Variants in TESK2 observed in about 807,000 individuals in gnomAD.
The protein encoded by TESK2 is testis associated actin remodelling kinase 2, also known as dual specificity testis-specific protein kinase 2.
TESK2 carries 39 observed loss-of-function variants against 57.1 expected under a neutral mutation model. The ratio of observed to expected loss-of-function variants is 0.68; its 90% CI spans 0.53 to 0.89. The LOEUF (loss-of-function observed/expected upper bound fraction) is 0.89. Among genes scored for constraint, TESK2 ranks in the 40% least tolerant of loss-of-function variants. The pLI is 0.00. For synonymous variants in TESK2, 249 were observed against 267.9 expected (o/e 0.93, Z 0.69); for missense variants, 646 against 732.1 (o/e 0.88, Z 1.36).
At chr1:45,456,099 G>A (rs530559441) in intron 2 of TESK2, among the ~76,000 whole-genome samples, 1 of 151,872 alleles carries the variant, frequency 6.6e-6, no homozygotes, top group African/African-American at 2.4e-5. Context: ...AGGCTGAGGT[G>A]GGGGGATCAT....
intron 1 of TESK2, among the ~76,000 whole-genome samples, chr1:45,467,897 G>C (rs1224980656): frequency 6.6e-6 from 1 of 152,004 alleles, no homozygotes; most frequent in African/African-American, 2.4e-5. Context: ...TATTGGGTGG[G>C]ATCACTGGCT....
chr1:45,464,046 AT>A (rs559055179), intron 1 of TESK2, among the ~76,000 whole-genome samples: 1 of 151,542 alleles, frequency 6.6e-6, no homozygotes, highest in African/African-American at 2.4e-5. Flanking sequence ...AAATTTGAGG[AT>A]TTTTTTTCTA....
chr1:45,370,708 T>G (rs1648142083), intron 4 of TESK2, among the ~76,000 whole-genome samples: 1 of 151,488 alleles, frequency 6.6e-6, no homozygotes, highest in African/African-American at 2.4e-5. Flanking sequence ...GCTCTAAAGG[T>G]GGAAAGGGTC....
At chr1:45,368,290 C>A (rs904691601) in intron 4 of TESK2, among the ~76,000 whole-genome samples, 6 of 152,042 alleles carry the variant, frequency 3.9e-5, no homozygotes, top group African/African-American at 1.2e-4. Context: ...CCACCACACC[C>A]GGCCTGACCA....
intron 5 of TESK2, among the ~76,000 whole-genome samples, chr1:45,355,097 C>T (rs879823754): frequency 6.6e-6 from 1 of 151,608 alleles, no homozygotes; most frequent in Non-Finnish European, 1.5e-5. Context: ...AGTCGTTGAA[C>T]CCAGGAGGCA....
At position 45,344,286 on chromosome 1, in the gene TESK2, C is replaced by T. The variant is rs1340308354; in HGVS notation, c.*554G>A. The T allele has an allele frequency of 1.3e-5, 2 of 157,878 alleles. No individual in the cohort carries two copies. Among genetic ancestry groups the T allele is most frequent in the African/African-American group, 4.8e-5 (2 of 41,506 alleles). The allele number at this position is 157,878 out of a possible 1,614,324, so 9.8% of individuals were successfully genotyped here. A position where few individuals can be genotyped will look rare whatever the true frequency, so the allele number is the denominator to read the frequency against. ...CTAAGAGCCATGACCACCACGCTGC[C>T]TTGCTGTCCCCTTGCATAGAAATGT... On this transcript the variant is annotated 3_prime_UTR_variant, in exon 11 of 11. Coordinates refer to ENST00000372086, the MANE Select transcript of TESK2 (RefSeq NM_007170.3).
Position 45,462,564 on chromosome 1 carries a change from G to A in TESK2, c.-86-4693C>T, listed in dbSNP as rs12029458. The stretch of plus-strand genomic sequence containing the variant: ...TGAGATTACAGGCGTGAGCCACCGC[G>A]CCCGGCAGAGGATCTCATTTTTTTA... On this transcript the variant is annotated intron_variant, in intron 1 of 10. Transcript: ENST00000372086. 2.4e-4 allele frequency among the ~76,000 whole-genome samples: 37 copies of A among 152,300 alleles called. No homozygotes were observed. In the East Asian group the frequency reaches 5.6e-3, roughly 23 times the overall value.
intron 4 of TESK2, among the ~76,000 whole-genome samples, chr1:45,371,554 G>A (rs1330893871): frequency 6.6e-6 from 1 of 152,132 alleles, no homozygotes; most frequent in Non-Finnish European, 1.5e-5. Context: ...ATCAAAAGTA[G>A]TCAAATTCAT....
chr1:45,478,434 G>A (rs72686491), intron 1 of TESK2, among the ~76,000 whole-genome samples: 4 of 152,112 alleles, frequency 2.6e-5, no homozygotes, highest in Non-Finnish European at 5.9e-5. Context: ...TAAGGGCTTG[G>A]ACTCAAACTT....
intron 3 of TESK2, among the ~76,000 whole-genome samples, chr1:45,403,882 GAAA>G (rs562862639): frequency 1.2e-5 from 1 of 84,874 alleles, no homozygotes; most frequent in Admixed American, 1.3e-4. Flanking sequence ...CCATGCAAGC[GAAA>G]AAAAAAAAAA....
At chr1:45,433,342 G>C (rs1314465453) in intron 2 of TESK2, among the ~76,000 whole-genome samples, 1 of 152,084 alleles carries the variant, frequency 6.6e-6, no homozygotes, top group Non-Finnish European at 1.5e-5. Context: ...GCCTCCCAAA[G>C]TGCTGAGATT....
At chr1:45,463,009 T>A (rs1302130168) in intron 1 of TESK2, among the ~76,000 whole-genome samples, 1 of 152,232 alleles carries the variant, frequency 6.6e-6, no homozygotes, top group Non-Finnish European at 1.5e-5. Context: ...TTTACATAGA[T>A]CTGTTTGCCA....
At chr1:45,436,181 CTT>C (rs1170732475) in intron 2 of TESK2, among the ~76,000 whole-genome samples, 7 of 56,602 alleles carry the variant, frequency 1.2e-4, no homozygotes, top group African/African-American at 1.8e-4. Context: ...TTGGTATCTT[CTT>C]TTTTTTTTTT....
At chr1:45,361,999 T>C (rs1379140196) in intron 4 of TESK2, among the ~76,000 whole-genome samples, 1 of 152,184 alleles carries the variant, frequency 6.6e-6, no homozygotes, top group Non-Finnish European at 1.5e-5. Flanking sequence ...TTATATGTTA[T>C]ATGTATTTTA....
At chr1:45,359,440 A>G (rs1464437875) in intron 4 of TESK2, among the ~76,000 whole-genome samples, 7 of 151,962 alleles carry the variant, frequency 4.6e-5, no homozygotes, top group Non-Finnish European at 7.4e-5. Flanking sequence ...GGTGCCTGTA[A>G]TCCCAGCTAC....
chr1:45,370,862 G>A (rs1648148340), intron 4 of TESK2, among the ~76,000 whole-genome samples: 1 of 152,192 alleles, frequency 6.6e-6, no homozygotes, highest in South Asian at 2.1e-4. Flanking sequence ...TGAGGACAAT[G>A]AGGAGCCACA....
intron 3 of TESK2, among the ~76,000 whole-genome samples, chr1:45,403,882 G>GAAAAAA (rs562862639): frequency 5.9e-5 from 5 of 84,882 alleles, no homozygotes; most frequent in Non-Finnish European, 1.0e-4. Flanking sequence ...CCATGCAAGC[G>GAAAAAA]AAAAAAAAAA....
At position 45,345,295 on chromosome 1, in the gene TESK2, T is replaced by G; in HGVS notation, c.1261A>C (p.Lys421Gln). 1.2e-6 allele frequency: 2 copies of G among 1,614,162 alleles called. No homozygotes were observed. The highest frequency in any genetic ancestry group is 1.7e-6 in the Non-Finnish European group (2 of 1,180,034). ...TCAAATACCAGAGAGATGACAGACT[T>G]GCTGGGCAGGTCAAAAAACTTGATC... ...GKIKFFDLPS[K>Q]SVISLVFDLD... is the part of the protein sequence containing the mutation. The change falls in exon 11 of 11, where the codon AAG (lysine) becomes CAG (glutamine). Residue 421 changes from lysine (K) to glutamine (Q), a missense_variant. Physicochemically the swap from Lys to Gln is moderately conservative, Grantham distance 53. Transcript: ENST00000372086.
intron 1 of TESK2, among the ~76,000 whole-genome samples, chr1:45,467,910 C>T (rs181001364): frequency 5.3e-5 from 8 of 152,102 alleles, no homozygotes; most frequent in African/African-American, 9.6e-5. Flanking sequence ...CACTGGCTCA[C>T]GTCTGTAATC....
Sources: allele counts gnomAD v4.1 joint callset (sites outside exome capture counted in the v4.1 genomes callset), GRCh38; gene constraint gnomAD v4.1.1; transcripts MANE v1.5; gene names NCBI Gene and HGNC (gene_info 2026-07-23, HGNC 2026-07-21).